The following PARVB variants were observed in gnomAD, a reference collection of about 807,000 sequenced individuals.
PARVB encodes parvin beta.
In PARVB, 46 loss-of-function variants were observed where a neutral mutation model predicts 47.0. The observed-to-expected ratio is 0.98, with a 90% CI of 0.77 to 1.25. The LOEUF is 1.25. Among genes scored for constraint, PARVB ranks in the 50% most tolerant of loss-of-function variants. The pLI is 0.00. For missense variants in PARVB, 473 were observed against 471.6 expected, an observed-to-expected ratio of 1.00 and a Z score of -0.03; for synonymous variants, 196 against 196.3, an observed-to-expected ratio of 1.00 and a Z score of 0.01.
intron 1 of PARVB, among the ~76,000 whole-genome samples, chr22:44,075,320 G>C (rs897594928): frequency 1.3e-5 from 2 of 152,200 alleles, no homozygotes; most frequent in Non-Finnish European, 2.9e-5. Flanking sequence ...ACTATTTTTA[G>C]AGCACTTTTA....
At chr22:44,037,048 CA>C (rs927688193) in intron 1 of PARVB, among the ~76,000 whole-genome samples, 38 of 145,748 alleles carry the variant, frequency 2.6e-4, no homozygotes, top group African/African-American at 6.0e-4. Flanking sequence ...AGATTAAAAA[CA>C]AAAAAAAAAT....
intron 10 of PARVB, among the ~76,000 whole-genome samples, chr22:44,156,966 T>A (rs1601697809): frequency 6.6e-6 from 1 of 152,146 alleles, no homozygotes; most frequent in East Asian, 1.9e-4. Context: ...GACCCAACAA[T>A]GAGGATGTAC....
chr22:44,078,852 G>A lies in PARVB; in HGVS notation c.113-15076G>A, dbSNP rs549716760. Among the ~76,000 whole-genome samples, 88 of 152,270 alleles carry A rather than the reference G, an allele frequency of 5.8e-4. 1 individual carries two copies. The highest frequency in any genetic ancestry group is 2.0e-3 in the African/African-American group (85 of 41,558). ...CGATTCTCCTGCCTCAGCCTCCCAA[G>A]TAACTAGGATTACAGGCGCAGACCA... On this transcript the variant is annotated intron_variant, in intron 1 of 12. Coordinates refer to ENST00000338758, the MANE Select transcript of PARVB (RefSeq NM_013327.5).
chr22:44,039,078 A>G (rs2050972225), intron 1 of PARVB, among the ~76,000 whole-genome samples: 1 of 152,194 alleles, frequency 6.6e-6, no homozygotes, highest in African/African-American at 2.4e-5. Context: ...CCGCAGACCC[A>G]TGGGAAAGGC....
chr22:44,023,159 C>T (rs113509766), upstream of PARVB, among the ~76,000 whole-genome samples: 27,325 of 152,180 alleles, frequency 0.18, 2,677 homozygotes, highest in South Asian at 0.27. Flanking sequence ...GTCTCCAGCA[C>T]CTGCTGAGCA....
At chr22:44,078,076 G>A (rs1006137841) in intron 1 of PARVB, among the ~76,000 whole-genome samples, 1 of 152,186 alleles carries the variant, frequency 6.6e-6, no homozygotes, top group Non-Finnish European at 1.5e-5. Context: ...GCAGAGCCGT[G>A]TGGTGGAAGG....
chr22:43,999,419 G>A (rs772409101), intron 1 of PARVB: 2 of 1,606,980 alleles, frequency 1.2e-6, no homozygotes, highest in Non-Finnish European at 8.5e-7. Context: ...CTGGTGAGCT[G>A]TGATTTAAAC....
intron 5 of PARVB, among the ~76,000 whole-genome samples, chr22:44,131,858 C>A (rs1230457386): frequency 6.6e-6 from 1 of 152,268 alleles, no homozygotes; most frequent in Non-Finnish European, 1.5e-5. Context: ...TCTCCATCCT[C>A]CCCATGCTGC....
intron 1 of PARVB, among the ~76,000 whole-genome samples, 192 bp downstream of exon 1, chr22:44,024,643 G>T (rs1401176024): frequency 6.6e-6 from 1 of 152,006 alleles, no homozygotes; most frequent in African/African-American, 2.4e-5. Flanking sequence ...CTGGCGCGTG[G>T]GGCCGCGGTG....
In PARVB at chr22:44,089,884, G is replaced by A. The variant is rs1321840910; in HGVS notation, c.113-4044G>A. On this transcript the variant is annotated intron_variant, in intron 1 of 12. Coordinates refer to ENST00000338758, the MANE Select transcript of PARVB (RefSeq NM_013327.5). The surrounding 1 kb of genome is among the most constrained non-coding windows in gnomAD (Gnocchi z 4.0). The stretch of plus-strand genomic sequence containing the variant: ...CCCCGAAGGCCCTTTCCTTAGCCTG[G>A]CCATATTTCAAGGCCAGTTCAATTG... 6.6e-6 allele frequency among the ~76,000 whole-genome samples: 1 copy of A among 152,138 alleles called. No homozygotes were observed. Among genetic ancestry groups the A allele is most frequent in the East Asian group, 1.9e-4 (1 of 5,190 alleles).
In PARVB at chr22:44,136,502, C is replaced by G. The variant is rs1442931610; in HGVS notation, c.676C>G (p.Leu226Val). The G allele has an allele frequency of 1.9e-6, 3 of 1,613,922 alleles. No homozygotes were observed. Among genetic ancestry groups the G allele is most frequent in the Non-Finnish European group, 2.5e-6 (3 of 1,179,846 alleles). ...GCATTCCAGCCACATCTCGGAGGAG[C>G]TGACCACAACTACAGAGTAAGTGGA... ...LLHSSHISEE[L>V]TTTTEMMMGR... The change falls in exon 7 of 13, where the codon CTG (leucine) becomes GTG (valine). Residue 226 changes from leucine to valine, a missense_variant. Physicochemically the swap from Leu to Val is conservative, Grantham distance 32. Coordinates refer to ENST00000338758, the MANE Select transcript of PARVB (RefSeq NM_013327.5).
At chr22:44,060,961 C>T (rs67447085) in intron 1 of PARVB, among the ~76,000 whole-genome samples, 22,042 of 152,100 alleles carry the variant, frequency 0.14, 1,798 homozygotes, top group Middle Eastern at 0.22. Flanking sequence ...TTTAAAGATA[C>T]GTTATTTAAA....
chr22:44,090,548 T>C (rs1023342796), intron 1 of PARVB, among the ~76,000 whole-genome samples: 5 of 152,248 alleles, frequency 3.3e-5, no homozygotes, highest in Non-Finnish European at 7.3e-5. Flanking sequence ...CCTCCCTCTC[T>C]GTGTTTTTGA....
At chr22:44,099,675 T>C (rs1242709366) in intron 2 of PARVB, among the ~76,000 whole-genome samples, 1 of 152,204 alleles carries the variant, frequency 6.6e-6, no homozygotes, top group Non-Finnish European at 1.5e-5. Context: ...TTATAAATAG[T>C]GGCCACAGGG....
At chr22:44,075,561 G>C (rs1256668834) in intron 1 of PARVB, among the ~76,000 whole-genome samples, 1 of 152,170 alleles carries the variant, frequency 6.6e-6, no homozygotes, top group Non-Finnish European at 1.5e-5. Context: ...CATGGTAGCA[G>C]TGACACTGCC....
chr22:44,136,632 C>A, intron 7 of PARVB, 114 bp downstream of exon 7: 1 of 809,318 alleles, frequency 1.2e-6, no homozygotes. Flanking sequence ...CCGCTCCACA[C>A]CCCTTCTCTG....
intron 1 of PARVB, among the ~76,000 whole-genome samples, chr22:44,067,668 G>C (rs2051565096): frequency 1.3e-5 from 2 of 152,230 alleles, no homozygotes; most frequent in African/African-American, 4.8e-5. Flanking sequence ...TGCTGTCCTG[G>C]CCTTGGATTC....
At chr22:44,153,825 C>T (rs2053861580) in intron 10 of PARVB, among the ~76,000 whole-genome samples, 1 of 152,170 alleles carries the variant, frequency 6.6e-6, no homozygotes, top group Non-Finnish European at 1.5e-5. Flanking sequence ...TGTATCTCAT[C>T]AGCGGGAAGG....
rs754662283 is a variant in PARVB at position 44,168,663 on chromosome 22, C to G, written c.1080C>G (p.Tyr360Ter). The change falls in exon 13 of 13, where the codon TAC becomes TAG. Residue 360 changes from tyrosine to a stop codon, truncating the protein, a stop_gained. Transcript: ENST00000338758. LOFTEE classifies it high-confidence loss of function. ...LRVLYNLFTK[Y>*]KNVE ...TTCTTTACAACCTGTTCACCAAGTA[C>G]AAGAACGTGGAGTGACGGGGGAGCT... 2 of 1,610,896 alleles carry G rather than the reference C, an allele frequency of 1.2e-6. No individual in the cohort carries two copies. The highest frequency in any genetic ancestry group is 1.7e-6 in the Non-Finnish European group (2 of 1,177,144).
Sources: allele counts gnomAD v4.1 joint callset (sites outside exome capture counted in the v4.1 genomes callset), GRCh38; gene constraint gnomAD v4.1.1; non-coding constraint Gnocchi (gnomAD v3.1); transcripts MANE v1.5; gene names NCBI Gene and HGNC (gene_info 2026-07-23, HGNC 2026-07-21).